ZNF625: variants seen among roughly 807,000 people sequenced by gnomAD.
ZNF625 encodes the protein zinc finger protein 625.
Under a neutral mutation model 11.1 loss-of-function variants are expected in ZNF625, and 8 were observed. The ratio of observed to expected loss-of-function variants is 0.72; its 90% CI spans 0.42 to 1.30. ZNF625 has a LOEUF of 1.30. Among genes scored for constraint, ZNF625 ranks in the 50% most tolerant of loss-of-function variants. The probability of loss-of-function intolerance (pLI) is 0.01; values close to 1 mark genes in which losing one functional copy is unlikely to be tolerated. For synonymous variants in ZNF625, 145 were observed against 153.4 expected, an observed-to-expected ratio of 0.95 and a Z score of 0.41; for missense variants, 349 against 447.6, an observed-to-expected ratio of 0.78 and a Z score of 1.99.
In ZNF625 at chr19:12,145,637, G is replaced by A. The variant is rs1568387889; in HGVS notation, c.779C>T (p.Thr260Ile). ...AGTTATTTTATGTGCATGGAGGCAT[G>A]TGGAACTATGGAATGCTTTCCCACA... ...SECGKAFHSSTCLHAHKITHT... is the reference protein window; with the variant it reads ...SECGKAFHSSICLHAHKITHT... The change falls in exon 4 of 4, where the codon ACA becomes ATA. Residue 260 changes from threonine (T) to isoleucine (I), a missense_variant. Transcript: ENST00000439556. The A allele has an allele frequency of 2.5e-6, 4 of 1,614,148 alleles. No homozygotes were observed. Among genetic ancestry groups the A allele is most frequent in the Non-Finnish European group, 3.4e-6 (4 of 1,180,026 alleles).
At chr19:12,153,371 A>C (rs948669587) in intron 1 of ZNF625, among the ~76,000 whole-genome samples, 1 of 150,888 alleles carries the variant, frequency 6.6e-6, no homozygotes, top group Non-Finnish European at 1.5e-5. Flanking sequence ...AAAAAAGAAA[A>C]GCCCTCCAGA....
chr19:12,147,455 C>T lies in ZNF625; in HGVS notation c.131G>A (p.Gly44Glu). The change falls in exon 3 of 4, where the codon GGA becomes GAA. Residue 44 changes from glycine (G) to glutamate (E), a missense_variant and splice_region_variant. Transcript: ENST00000439556. ...AATTTTCTGATCTTTCCATTTTTTT[C>T]CTAAAATACAGAACCAGAAAAATAG... Reference protein sequence around the residue: ...QETFRNLASVGKKWKDQKIED... With the variant: ...QETFRNLASVEKKWKDQKIED... 1 of 1,530,256 alleles carries T rather than the reference C, an allele frequency of 6.5e-7. No homozygotes were observed. 94.8% of individuals were successfully genotyped at this position (1,530,256 alleles called of 1,614,324 possible).
At chr19:12,149,871 A>T (rs1176559507) in intron 1 of ZNF625, among the ~76,000 whole-genome samples, 1 of 151,798 alleles carries the variant, frequency 6.6e-6, no homozygotes, top group Non-Finnish European at 1.5e-5. Flanking sequence ...TCCCGAGTAG[A>T]TGGGATTACA....
chr19:12,156,508 C>CCTCCCGGCCCCTCCCCCGTCTCGGGA, intron 1 of ZNF625, 48 bp downstream of exon 1: 1 of 1,401,630 alleles, frequency 7.1e-7, no homozygotes, highest in Non-Finnish European at 9.3e-7. Context: ...CGAGCCGGTT[C>CCTCCCGGCCCCTCCCCCGTCTCGGGA]CTCCCGGCCC....
At chr19:12,146,359 A>C in intron 3 of ZNF625, 135 bp from the exon 4 acceptor site, 1 of 768,254 alleles carries the variant, frequency 1.3e-6, no homozygotes, top group Non-Finnish European at 2.1e-6. Context: ...ACATGAACAG[A>C]CCACACATGC....
At chr19:12,149,679 T>C (rs186486946) in intron 1 of ZNF625, among the ~76,000 whole-genome samples, 17 of 151,850 alleles carry the variant, frequency 1.1e-4, no homozygotes, top group African/African-American at 3.9e-4. Context: ...TTCTCAAAGA[T>C]ACATACAAGT....
At chr19:12,147,846 A>G in intron 1 of ZNF625, 44 bp from the exon 2 acceptor site, 2 of 1,608,682 alleles carry the variant, frequency 1.2e-6, no homozygotes. Context: ...TGAGACTGAC[A>G]GCACTGGGTT....
Position 12,146,077 on chromosome 19 carries a change from A to G in ZNF625, c.339T>C (p.Asn113=), listed in dbSNP as rs748723144. ...GEVSVGHASL[N]RHHRADTGHK... Reference sequence around the variant, plus strand: ...GTCCAGTGTCAGCTCTGTGGTGCCTATTAAGGGATGCATGACCCACGCTGA... The same window carrying G: ...GTCCAGTGTCAGCTCTGTGGTGCCTGTTAAGGGATGCATGACCCACGCTGA... Residue 113 remains asparagine (N), a synonymous_variant, in exon 4 of 4, where the codon AAT becomes AAC. Coordinates refer to ENST00000439556, the MANE Select transcript of ZNF625 (RefSeq NM_145233.4). 28 of 1,614,044 alleles carry G rather than the reference A, an allele frequency of 1.7e-5. No homozygotes were observed. In the South Asian group the frequency reaches 3.1e-4, roughly 18 times the overall value.
intron 1 of ZNF625, among the ~76,000 whole-genome samples, chr19:12,153,747 G>C (rs7253309): frequency 0.013 from 2,020 of 150,016 alleles, 43 homozygotes; most frequent in African/African-American, 0.047. Context: ...GCCCATACCG[G>C]TGTACAAACT....
At chr19:12,151,094 C>CT (rs35215456) in intron 1 of ZNF625, among the ~76,000 whole-genome samples, 19 of 146,454 alleles carry the variant, frequency 1.3e-4, no homozygotes, top group South Asian at 2.2e-4. Flanking sequence ...TTTATTTCTT[C>CT]TTTTTTTTTT....
chr19:12,149,283 C>CAAAA lies in ZNF625; in HGVS notation c.4-1485_4-1482dup, dbSNP rs747461916. The stretch of plus-strand genomic sequence containing the variant: ...CTGGCGACAGAGCAAGACTCAGTCT[C>CAAAA]AAAAAAAAAAAAAAAAAAAAATCAG... On this transcript the variant is annotated intron_variant, in intron 1 of 3. Transcript: ENST00000439556. 8.9e-4 allele frequency among the ~76,000 whole-genome samples: 57 copies of CAAAA among 64,286 alleles called. 1 individual carries two copies. The highest frequency in any genetic ancestry group is 2.1e-3 in the African/African-American group (43 of 20,616). 42.2% of individuals were successfully genotyped at this position (64,286 alleles called of 152,430 possible).
At chr19:12,155,917 T>C (rs1237008761) in intron 1 of ZNF625, among the ~76,000 whole-genome samples, 2 of 152,186 alleles carry the variant, frequency 1.3e-5, no homozygotes, top group African/African-American at 4.8e-5. Flanking sequence ...AGTGGCGCGA[T>C]CTCGGCTCAC....
intron 1 of ZNF625, 82 bp from the exon 2 acceptor site, chr19:12,147,884 A>T: frequency 6.6e-7 from 1 of 1,522,700 alleles, no homozygotes; most frequent in South Asian, 1.3e-5. Flanking sequence ...CAAAGTTTCC[A>T]TGGTGCTATG....
Position 12,147,670 on chromosome 19 carries a change from C to T in ZNF625, c.130+6G>A. 6 of 1,613,796 alleles carry T rather than the reference C, an allele frequency of 3.7e-6. No homozygotes were observed. The highest frequency in any genetic ancestry group is 5.1e-6 in the Non-Finnish European group (6 of 1,179,912). On this transcript the variant is annotated splice_donor_region_variant and intron_variant, in intron 2 of 3. Coordinates refer to ENST00000439556, the MANE Select transcript of ZNF625 (RefSeq NM_145233.4). ...TCACTGAGGAAAGTAATATTGTTAC[C>T]CTTACCTACAGAAGCCAGGTTCCTG...
At chr19:12,151,572 G>A (rs1361090773) in intron 1 of ZNF625, among the ~76,000 whole-genome samples, 1 of 151,912 alleles carries the variant, frequency 6.6e-6, no homozygotes, top group African/African-American at 2.4e-5. Context: ...GTAGAGACGG[G>A]GTTTCACCGT....
chr19:12,156,429 C>T (rs534783623), intron 1 of ZNF625, 127 bp downstream of exon 1: 12 of 735,370 alleles, frequency 1.6e-5, no homozygotes, highest in African/African-American at 9.1e-5. Flanking sequence ...GGCCGAGCTA[C>T]GCCAGGGGGA....
At chr19:12,155,703 A>G (rs1451112569) in intron 1 of ZNF625, among the ~76,000 whole-genome samples, 4 of 152,170 alleles carry the variant, frequency 2.6e-5, no homozygotes, top group Non-Finnish European at 4.4e-5. Context: ...TATTTTGCAG[A>G]GTTTTGCTCT....
chr19:12,156,319 G>GGGGCCA (rs1977025635), intron 1 of ZNF625, among the ~76,000 whole-genome samples: 1 of 152,196 alleles, frequency 6.6e-6, no homozygotes, highest in Non-Finnish European at 1.5e-5. Context: ...CTCCGGGGCC[G>GGGGCCA]GGGCCAGGGC....
chr19:12,146,969 G>GTTTTTTTTT (rs1568388597), intron 3 of ZNF625, among the ~76,000 whole-genome samples: 1 of 126,018 alleles, frequency 7.9e-6, no homozygotes, highest in African/African-American at 3.4e-5. Flanking sequence ...TGTTTTTAGA[G>GTTTTTTTTT]ATTTTTTTTT....
Sources: allele counts gnomAD v4.1 joint callset (sites outside exome capture counted in the v4.1 genomes callset), GRCh38; gene constraint gnomAD v4.1.1; transcripts MANE v1.5; gene names NCBI Gene and HGNC (gene_info 2026-07-23, HGNC 2026-07-21).